The following TTYH2 variants were observed in gnomAD, a reference collection of about 807,000 sequenced individuals.
TTYH2 encodes the protein protein tweety homolog 2.
Under a neutral mutation model 68.3 loss-of-function variants are expected in TTYH2, and 49 were observed. The ratio of observed to expected loss-of-function variants is 0.72; its 90% CI spans 0.57 to 0.91. The LOEUF is 0.91. TTYH2 is among the 40% of genes least tolerant of loss of function. The pLI is 0.00. For synonymous variants in TTYH2, 272 were observed against 300.8 expected (o/e 0.90, Z 0.99); for missense variants, 631 against 700.4 (o/e 0.90, Z 1.12).
intron 6 of TTYH2, among the ~76,000 whole-genome samples, chr17:74,246,734 A>G (rs759572301): frequency 6.6e-5 from 10 of 152,164 alleles, no homozygotes; most frequent in Non-Finnish European, 1.2e-4. Context: ...AGACTGGGCA[A>G]TTTACAAAAG....
chr17:74,250,214 C>G (rs2050606595), intron 9 of TTYH2, 51 bp from the exon 10 acceptor site: 5 of 1,556,562 alleles, frequency 3.2e-6, no homozygotes, highest in Non-Finnish European at 4.4e-6. Flanking sequence ...GTTTTCTCCG[C>G]CAGCTCTCCT....
intron 2 of TTYH2, among the ~76,000 whole-genome samples, chr17:74,226,520 G>A (rs1292311795): frequency 1.3e-5 from 2 of 152,144 alleles, no homozygotes; most frequent in Non-Finnish European, 2.9e-5. Context: ...GCGTCCACTG[G>A]GACACAGGAA....
chr17:74,255,732 C>T (rs191617539), intron 13 of TTYH2, among the ~76,000 whole-genome samples: 3 of 152,192 alleles, frequency 2.0e-5, no homozygotes, highest in Non-Finnish European at 2.9e-5. Flanking sequence ...CCACCGTGCC[C>T]GGCCAGAGCT....
At chr17:74,251,346 T>TGGTGCATGTGTGTGTGC (rs1396686293) in intron 10 of TTYH2, among the ~76,000 whole-genome samples, 2 of 113,310 alleles carry the variant, frequency 1.8e-5, no homozygotes, top group East Asian at 4.2e-4. Context: ...GTGGTGTGTG[T>TGGTGCATGTGTGTGTGC]GGTGCATGTG....
At chr17:74,258,305 G>A (rs1444495264) in intron 13 of TTYH2, among the ~76,000 whole-genome samples, 1 of 151,698 alleles carries the variant, frequency 6.6e-6, no homozygotes, top group African/African-American at 2.4e-5. Flanking sequence ...CACTCTTGTT[G>A]CCCAGGCTGG....
intron 6 of TTYH2, chr17:74,248,770 T>G (rs896583292): frequency 7.1e-7 from 1 of 1,404,722 alleles, no homozygotes; most frequent in Non-Finnish European, 9.3e-7. Context: ...GTGAATAGCA[T>G]TATCATCTCC....
chr17:74,251,142 GAT>G (rs1452294630), intron 10 of TTYH2, among the ~76,000 whole-genome samples: 11 of 151,384 alleles, frequency 7.3e-5, no homozygotes, highest in Non-Finnish European at 1.5e-4. Flanking sequence ...GCACATATGT[GAT>G]GTGTGTATGT....
rs1177070912 is a variant in TTYH2, at chr17:74,215,813, C to G, written c.129+2097C>G. The stretch of plus-strand genomic sequence containing the variant: ...CAGGTGGACCGTCGGTCATCCCAGT[C>G]TTCAGCAAGCTTGACTGGAGCAAGT... On this transcript the variant is annotated intron_variant, in intron 1 of 13. Coordinates refer to ENST00000269346, the MANE Select transcript of TTYH2 (RefSeq NM_032646.6). This position sits in a 1 kb window ranked among gnomAD's most constrained non-coding sequence, Gnocchi z 4.3. 3 of 1,213,486 alleles carry G rather than the reference C, an allele frequency of 2.5e-6. No individual in the cohort carries two copies. Among genetic ancestry groups the G allele is most frequent in the Non-Finnish European group, 3.5e-6 (3 of 858,380 alleles). 75.2% of individuals were successfully genotyped at this position (1,213,486 alleles called of 1,614,324 possible).
intron 2 of TTYH2, among the ~76,000 whole-genome samples, chr17:74,225,012 A>AC (rs1369334054): frequency 1.3e-5 from 2 of 151,670 alleles, no homozygotes; most frequent in East Asian, 3.9e-4. Flanking sequence ...AAAAAAAAAA[A>AC]CAACCAAAAA....
intron 8 of TTYH2, 49 bp from the exon 9 acceptor site, chr17:74,249,882 TGGGGC>T: frequency 7.1e-7 from 1 of 1,409,920 alleles, no homozygotes; most frequent in South Asian, 1.2e-5. Flanking sequence ...AGCCTCACTG[TGGGGC>T]TCCTGGGAGA....
chr17:74,224,135 C>T (rs909467337), intron 2 of TTYH2, among the ~76,000 whole-genome samples: 4 of 152,186 alleles, frequency 2.6e-5, no homozygotes, highest in Non-Finnish European at 4.4e-5. Flanking sequence ...CATGGCCGGG[C>T]GCGGTGACTC....
chr17:74,248,231 G>A (rs1048318714), intron 6 of TTYH2: 1 of 975,808 alleles, frequency 1.0e-6, no homozygotes, highest in East Asian at 1.1e-4. Context: ...GGAAGGCGGA[G>A]GCCCCCCAGT....
At chr17:74,245,789 T>G (rs1466485025) in intron 6 of TTYH2, among the ~76,000 whole-genome samples, 1 of 152,032 alleles carries the variant, frequency 6.6e-6, no homozygotes, top group Non-Finnish European at 1.5e-5. Flanking sequence ...GTCCCGGGGT[T>G]GTTGTGGAGA....
intron 6 of TTYH2, among the ~76,000 whole-genome samples, chr17:74,244,543 G>A (rs756827521): frequency 2.0e-4 from 31 of 152,222 alleles, no homozygotes; most frequent in Non-Finnish European, 3.8e-4. Flanking sequence ...CAGGACTCCC[G>A]CGGTCTGAAG....
intron 6 of TTYH2, 136 bp downstream of exon 6, chr17:74,244,185 G>A (rs140545821): frequency 4.0e-5 from 33 of 827,724 alleles, no homozygotes; most frequent in African/African-American, 2.2e-4. Context: ...AGGGACTTGC[G>A]TCATCTGAAC....
intron 3 of TTYH2, among the ~76,000 whole-genome samples, chr17:74,236,804 T>A (rs2050446994): frequency 6.6e-6 from 1 of 151,922 alleles, no homozygotes; most frequent in South Asian, 2.1e-4. Context: ...GCGGCCTCTG[T>A]CTTCAGTCCT....
At position 74,247,713 on chromosome 17, in the gene TTYH2, G is replaced by T. The variant is rs576463889; in HGVS notation, c.805-1298G>T. ...CTGCACTCTCTGTCACTCCAGCCAGGGGGTGGGGGCACACCACCAGGCCTG... is the reference window on the plus strand; with the variant it reads ...CTGCACTCTCTGTCACTCCAGCCAGTGGGTGGGGGCACACCACCAGGCCTG... On this transcript the variant is annotated intron_variant, in intron 6 of 13. Coordinates refer to ENST00000269346, the MANE Select transcript of TTYH2 (RefSeq NM_032646.6). Among the ~76,000 whole-genome samples the T allele has an allele frequency of 3.3e-5, 5 of 152,322 alleles. No homozygotes were observed. In the East Asian group the frequency reaches 5.8e-4, roughly 18 times the overall value.
At chr17:74,240,807 T>G (rs1447178651) in intron 4 of TTYH2, 1 of 152,082 alleles carries the variant, frequency 6.6e-6, no homozygotes, top group East Asian at 1.9e-4. Context: ...CATCCCCCAG[T>G]CCTCGCCCAG....
intron 2 of TTYH2, among the ~76,000 whole-genome samples, chr17:74,228,650 C>A (rs1019372403): frequency 1.4e-4 from 21 of 151,338 alleles, no homozygotes; most frequent in Non-Finnish European, 2.9e-5. Context: ...GGCTTAACAG[C>A]AATTCTTGGG....
Sources: allele counts gnomAD v4.1 joint callset (sites outside exome capture counted in the v4.1 genomes callset), GRCh38; gene constraint gnomAD v4.1.1; non-coding constraint Gnocchi (gnomAD v3.1); transcripts MANE v1.5; gene names NCBI Gene and HGNC (gene_info 2026-07-23, HGNC 2026-07-21).